Variants in KALRN observed in about 807,000 individuals in gnomAD.
The protein encoded by KALRN is kalirin.
KALRN carries 70 observed loss-of-function variants against 353.7 expected under a neutral mutation model. The observed-to-expected ratio is 0.20, with a 90% CI of 0.16 to 0.24. KALRN has a LOEUF of 0.24. Ranked by LOEUF, KALRN falls within the 10% of genes least tolerant of loss-of-function variation. The pLI is 1.00. For missense variants in KALRN, 2,791 were observed against 3,756.7 expected (o/e 0.74, Z 6.72); for synonymous variants, 1,391 against 1,434.8 (o/e 0.97, Z 0.69).
At chr3:124,380,377 AG>A (rs2087181409) in intron 10 of KALRN, among the ~76,000 whole-genome samples, 4 of 152,176 alleles carry the variant, frequency 2.6e-5, no homozygotes, top group African/African-American at 9.7e-5. Flanking sequence ...TGAATTATTT[AG>A]GGCATCATAC....
chr3:124,556,184 G>A (rs532822998), intron 33 of KALRN, among the ~76,000 whole-genome samples: 28 of 152,250 alleles, frequency 1.8e-4, no homozygotes, highest in African/African-American at 6.7e-4. Flanking sequence ...GGACCATGGT[G>A]CTCATTTACA....
At chr3:124,516,397 A>T (rs2066555853) in intron 33 of KALRN, among the ~76,000 whole-genome samples, 1 of 152,200 alleles carries the variant, frequency 6.6e-6, no homozygotes, top group Non-Finnish European at 1.5e-5. Context: ...TACCCACTCC[A>T]TGAGGTTGTG....
At chr3:124,516,871 G>A (rs2066644230) in intron 33 of KALRN, among the ~76,000 whole-genome samples, 1 of 151,918 alleles carries the variant, frequency 6.6e-6, no homozygotes, top group African/African-American at 2.4e-5. Flanking sequence ...AGGCTGGAGT[G>A]CAGTGGTGCA....
intron 1 of KALRN, among the ~76,000 whole-genome samples, chr3:124,114,434 G>A (rs536398128): frequency 2.0e-5 from 3 of 152,326 alleles, no homozygotes; most frequent in South Asian, 4.1e-4. Flanking sequence ...GACATATGGG[G>A]ACAGATGATG....
chr3:124,561,127 A>G (rs1372317857), intron 33 of KALRN, among the ~76,000 whole-genome samples: 1 of 152,178 alleles, frequency 6.6e-6, no homozygotes, highest in Non-Finnish European at 1.5e-5. Context: ...ATGCAAAGGT[A>G]TTTTGCTAAC....
chr3:124,289,930 T>A (rs1014711774), intron 5 of KALRN, among the ~76,000 whole-genome samples: 3 of 152,046 alleles, frequency 2.0e-5, no homozygotes, highest in African/African-American at 7.2e-5. Context: ...GAGGGTTTGA[T>A]GGATGAAGGG....
At chr3:124,639,488 A>G (rs1387217401) in intron 37 of KALRN, among the ~76,000 whole-genome samples, 1 of 152,140 alleles carries the variant, frequency 6.6e-6, no homozygotes, top group East Asian at 1.9e-4. Context: ...TTTTTCATGA[A>G]CACTTGTTTC....
chr3:124,467,051 C>T (rs1320006328), intron 25 of KALRN, among the ~76,000 whole-genome samples: 4 of 152,212 alleles, frequency 2.6e-5, no homozygotes, highest in Admixed American at 1.3e-4. Context: ...TGCACACTCC[C>T]TCCCTCCAGG....
intron 6 of KALRN, among the ~76,000 whole-genome samples, chr3:124,325,103 G>T (rs2079744905): frequency 6.6e-6 from 1 of 152,170 alleles, no homozygotes; most frequent in Non-Finnish European, 1.5e-5. Context: ...CCTTCCTGGA[G>T]CATTTTTCAG....
intron 43 of KALRN, 57 bp from the exon 44 acceptor site, chr3:124,660,866 G>A: frequency 8.2e-7 from 1 of 1,218,882 alleles, no homozygotes; most frequent in South Asian, 1.2e-5. Context: ...TTTTTTCCCA[G>A]CTATTTTACT....
At chr3:124,651,887 C>T (rs1408769269) in intron 38 of KALRN, among the ~76,000 whole-genome samples, 1 of 152,144 alleles carries the variant, frequency 6.6e-6, no homozygotes, top group African/African-American at 2.4e-5. Flanking sequence ...ATCCTCCTGT[C>T]TCAGCCTCCC....
intron 34 of KALRN, among the ~76,000 whole-genome samples, chr3:124,587,789 A>G (rs13086469): frequency 2.8e-5 from 4 of 141,394 alleles, no homozygotes; most frequent in African/African-American, 1.1e-4. Context: ...CACCACAACC[A>G]GGATCTCCTG....
At chr3:124,335,752 G>T (rs943952423) in intron 9 of KALRN, among the ~76,000 whole-genome samples, 1 of 152,150 alleles carries the variant, frequency 6.6e-6, no homozygotes, top group Non-Finnish European at 1.5e-5. Flanking sequence ...TGTGGCTACC[G>T]TGTAACTCCA....
intron 37 of KALRN, among the ~76,000 whole-genome samples, chr3:124,650,299 A>G (rs2083273615): frequency 1.3e-5 from 2 of 152,226 alleles, no homozygotes; most frequent in African/African-American, 4.8e-5. Context: ...CCTATTCCTT[A>G]GAAATCTGTA....
intron 7 of KALRN, among the ~76,000 whole-genome samples, chr3:124,327,446 C>T (rs150775401): frequency 5.8e-4 from 89 of 152,250 alleles, no homozygotes; most frequent in African/African-American, 2.0e-3. Context: ...AGGTCAAAAG[C>T]ATCCTGTGAG....
At chr3:124,316,984 G>C (rs916062961) in intron 6 of KALRN, among the ~76,000 whole-genome samples, 1 of 152,216 alleles carries the variant, frequency 6.6e-6, no homozygotes. Context: ...CCTCAGGGCA[G>C]CTGGCTTCAG....
chr3:124,240,189 C>G (rs116373581), intron 3 of KALRN, among the ~76,000 whole-genome samples: 6 of 152,240 alleles, frequency 3.9e-5, no homozygotes, highest in Non-Finnish European at 8.8e-5. Context: ...AACATAAAGC[C>G]ACAGTAGTAA....
At chr3:124,330,660 G>T (rs574869368) in intron 8 of KALRN, among the ~76,000 whole-genome samples, 1 of 152,270 alleles carries the variant, frequency 6.6e-6, no homozygotes, top group East Asian at 1.9e-4. Context: ...AGGTATATCT[G>T]TGTAGATACA....
intron 28 of KALRN, among the ~76,000 whole-genome samples, chr3:124,487,054 ACTT>A (rs1370465988): frequency 4.6e-5 from 7 of 152,158 alleles, no homozygotes; most frequent in Non-Finnish European, 7.3e-5. Context: ...GATCTGGTGA[ACTT>A]CTTTATTTCT....
Sources: gnomAD v4.1 joint callset for allele counts (sites outside exome capture counted in the v4.1 genomes callset) on GRCh38, gnomAD v4.1.1 for gene constraint, MANE v1.5 for transcripts, NCBI Gene and HGNC (gene_info 2026-07-23, HGNC 2026-07-21) for gene names.